TMEM163: variants seen among roughly 807,000 people sequenced by gnomAD.
TMEM163 encodes transmembrane protein 163.
TMEM163 carries 17 observed loss-of-function variants against 29.3 expected under a neutral mutation model. The ratio of observed to expected loss-of-function variants is 0.58; its 90% CI spans 0.40 to 0.87. The LOEUF is 0.87. Among genes scored for constraint, TMEM163 ranks in the 40% least tolerant of loss-of-function variants. TMEM163 has a pLI of 0.00. For missense variants in TMEM163, 303 were observed against 381.5 expected (o/e 0.79, Z 1.71); for synonymous variants, 157 against 160.6 (o/e 0.98, Z 0.17).
At chr2:134,715,440 T>C (rs1685017744) in intron 1 of TMEM163, among the ~76,000 whole-genome samples, 1 of 152,146 alleles carries the variant, frequency 6.6e-6, no homozygotes. Context: ...GTGTGCCTCC[T>C]CCGTGATATT....
chr2:134,598,511 T>C (rs2104807991), intron 2 of TMEM163, among the ~76,000 whole-genome samples: 1 of 152,354 alleles, frequency 6.6e-6, no homozygotes, highest in African/African-American at 2.4e-5. Context: ...AGCCAGCTAG[T>C]GGCAGAGCTC....
chr2:134,680,939 G>A (rs767569102), intron 2 of TMEM163, among the ~76,000 whole-genome samples: 2 of 152,158 alleles, frequency 1.3e-5, no homozygotes, highest in South Asian at 2.1e-4. Context: ...CACAGTAAGC[G>A]TAAAGATGAG....
At chr2:134,703,956 A>G (rs1291749935) in intron 2 of TMEM163, among the ~76,000 whole-genome samples, 1 of 151,762 alleles carries the variant, frequency 6.6e-6, no homozygotes, top group Non-Finnish European at 1.5e-5. Flanking sequence ...TATTAAACAC[A>G]CTTATTTTAC....
chr2:134,686,905 C>T (rs1220086194), intron 2 of TMEM163, among the ~76,000 whole-genome samples: 1 of 152,158 alleles, frequency 6.6e-6, no homozygotes, highest in Admixed American at 6.5e-5. Context: ...ATTCCCCTGG[C>T]CATCCAAAGA....
chr2:134,465,181 C>T (rs978047711), intron 6 of TMEM163, among the ~76,000 whole-genome samples: 5 of 101,814 alleles, frequency 4.9e-5, no homozygotes, highest in African/African-American at 3.8e-4. Context: ...ATGGTGAGTC[C>T]GCATCTTTAA....
At chr2:134,538,885 G>A (rs985936020) in intron 4 of TMEM163, among the ~76,000 whole-genome samples, 32 of 152,064 alleles carry the variant, frequency 2.1e-4, no homozygotes, top group African/African-American at 7.7e-4. Context: ...ACTTTTTGTG[G>A]TAATGAAAAT....
intron 2 of TMEM163, among the ~76,000 whole-genome samples, chr2:134,605,982 T>C (rs932352909): frequency 6.6e-6 from 1 of 152,186 alleles, no homozygotes; most frequent in Non-Finnish European, 1.5e-5. Flanking sequence ...GGGGTGATTT[T>C]GGTTGGGAAG....
At chr2:134,626,731 C>T (rs550647195) in intron 2 of TMEM163, among the ~76,000 whole-genome samples, 2 of 152,314 alleles carry the variant, frequency 1.3e-5, no homozygotes, top group South Asian at 4.1e-4. Context: ...AAACATTCTT[C>T]AGAAACATGA....
At chr2:134,633,920 C>T (rs986447847) in intron 2 of TMEM163, among the ~76,000 whole-genome samples, 3 of 141,730 alleles carry the variant, frequency 2.1e-5, no homozygotes, top group South Asian at 2.4e-4. Flanking sequence ...AGAGATCATG[C>T]CACTGCACTG....
intron 4 of TMEM163, among the ~76,000 whole-genome samples, chr2:134,548,040 A>G (rs1002293756): frequency 1.3e-5 from 2 of 152,238 alleles, no homozygotes; most frequent in African/African-American, 2.4e-5. Flanking sequence ...AGAATAATGA[A>G]ATTGGAAAAC....
chr2:134,466,283 C>T, intron 5 of TMEM163, 58 bp from the exon 6 acceptor site: 3 of 1,409,690 alleles, frequency 2.1e-6, no homozygotes, highest in Non-Finnish European at 3.0e-6. Flanking sequence ...AGATCATCTG[C>T]AACCCACTTG....
intron 2 of TMEM163, among the ~76,000 whole-genome samples, chr2:134,671,049 G>A (rs1290912117): frequency 6.6e-6 from 1 of 152,164 alleles, no homozygotes; most frequent in African/African-American, 2.4e-5. Context: ...GACCCCCTCT[G>A]GGAACGATGT....
chr2:134,705,380 G>GAC (rs1436040853), intron 2 of TMEM163, among the ~76,000 whole-genome samples: 1 of 152,124 alleles, frequency 6.6e-6, no homozygotes, highest in Non-Finnish European at 1.5e-5. Flanking sequence ...TGAGGACACA[G>GAC]ACACACACAG....
intron 2 of TMEM163, among the ~76,000 whole-genome samples, chr2:134,628,136 A>G (rs1489889999): frequency 1.3e-5 from 2 of 152,248 alleles, no homozygotes; most frequent in East Asian, 1.9e-4. Flanking sequence ...GTTGAATTCT[A>G]TAAGAATCTT....
chr2:134,610,224 A>G (rs1682471422), intron 2 of TMEM163, among the ~76,000 whole-genome samples: 1 of 152,196 alleles, frequency 6.6e-6, no homozygotes, highest in Non-Finnish European at 1.5e-5. Flanking sequence ...AGTCCTCTGC[A>G]CTGCTGGGAC....
chr2:134,519,339 A>G (rs77753416), intron 4 of TMEM163, among the ~76,000 whole-genome samples: 6,973 of 152,240 alleles, frequency 0.046, 564 homozygotes, highest in African/African-American at 0.16. Context: ...GGCAGCCTTG[A>G]TAAGTCTGTC....
intron 2 of TMEM163, among the ~76,000 whole-genome samples, chr2:134,691,598 C>T (rs535257057): frequency 1.2e-3 from 183 of 152,376 alleles, no homozygotes; most frequent in Non-Finnish European, 2.1e-3. Flanking sequence ...ACACCCTTGT[C>T]AGACAACCCT....
chr2:134,458,136 G>A lies in TMEM163; in HGVS notation c.705C>T (p.Ser235=). 6.2e-7 allele frequency: 1 copy of A among 1,614,144 alleles called. No individual in the cohort carries two copies. The highest frequency in any genetic ancestry group is 8.5e-7 in the Non-Finnish European group (1 of 1,180,032). ...TGAACACTTCCGCGCTCAGAAGAAT[G>A]GAGAAGCCCATCACGCCACCCACGA... ...NSLVGGVMGF[S]ILLSAEVFKH... The change falls in exon 7 of 8, where the codon TCC becomes TCT. Residue 235 remains serine (S), a synonymous_variant. Transcript: ENST00000281924.
intron 2 of TMEM163, among the ~76,000 whole-genome samples, chr2:134,681,360 G>A (rs1437965599): frequency 6.6e-6 from 1 of 152,122 alleles, no homozygotes; most frequent in Non-Finnish European, 1.5e-5. Context: ...CTCTTCTCCA[G>A]CTCAGCCTCA....
Sources: gnomAD v4.1 joint callset for allele counts (sites outside exome capture counted in the v4.1 genomes callset) on GRCh38, gnomAD v4.1.1 for gene constraint, MANE v1.5 for transcripts, NCBI Gene and HGNC (gene_info 2026-07-23, HGNC 2026-07-21) for gene names.